Variants in PRKCZ observed in about 807,000 individuals in gnomAD.
PRKCZ encodes the protein protein kinase C zeta type.
In PRKCZ, 33 loss-of-function variants were observed where a neutral mutation model predicts 79.5. The ratio of observed to expected loss-of-function variants is 0.41; its 90% CI spans 0.31 to 0.55. The LOEUF is 0.55. PRKCZ is among the 20% of genes least tolerant of loss of function. The probability of loss-of-function intolerance (pLI) is 0.19; values close to 1 mark genes in which losing one functional copy is unlikely to be tolerated. For synonymous variants in PRKCZ, 342 were observed against 320.9 expected (o/e 1.07, Z -0.70); for missense variants, 578 against 813.5 (o/e 0.71, Z 3.52).
rs926252354 is a variant in PRKCZ, at chr1:2,094,691, C to T, written c.334+35100C>T. ...TGGGCGCTGCCCGTTCTGAGGCGCC[C>T]GCTGTGCCCGGCTCGTTGAACCTTG... On this transcript the variant is annotated intron_variant, in intron 4 of 17. Transcript: ENST00000378567. This position sits in a 1 kb window ranked among gnomAD's most constrained non-coding sequence, Gnocchi z 7.3. Among the ~76,000 whole-genome samples the T allele has an allele frequency of 3.5e-4, 51 of 146,742 alleles. No homozygotes were observed. The highest frequency in any genetic ancestry group is 5.4e-4 in the Non-Finnish European group (36 of 66,496).
intron 5 of PRKCZ, chr1:2,142,532 A>G (rs929679707): frequency 1.0e-5 from 3 of 290,782 alleles, no homozygotes; most frequent in African/African-American, 4.6e-5. Flanking sequence ...TGCCGGCATT[A>G]AGCTAGATTG....
chr1:2,154,502 G>A (rs999766186), intron 9 of PRKCZ, among the ~76,000 whole-genome samples: 14 of 152,128 alleles, frequency 9.2e-5, no homozygotes, highest in Non-Finnish European at 1.8e-4. Context: ...CGAAACTTCC[G>A]GGAGTGGGGG....
chr1:2,053,463 C>A (rs190121775), intron 1 of PRKCZ, among the ~76,000 whole-genome samples: 136 of 152,292 alleles, frequency 8.9e-4, no homozygotes, highest in Non-Finnish European at 1.4e-3. Context: ...GGTGCTGAGG[C>A]CAACAGAGAC....
At chr1:2,184,531 G>C (rs1188044434) in intron 16 of PRKCZ, 52 bp from the exon 17 acceptor site, 2 of 1,390,788 alleles carry the variant, frequency 1.4e-6, no homozygotes, top group Non-Finnish European at 2.0e-6. Context: ...CACTCAATCT[G>C]GTAGGGATGA....
At chr1:2,175,413 C>T (rs1408567366) in intron 16 of PRKCZ, 100 bp downstream of exon 16, 10 of 921,826 alleles carry the variant, frequency 1.1e-5, no homozygotes, top group East Asian at 2.7e-5. Context: ...ACCCAACCCC[C>T]ACCCCACCCC....
chr1:2,180,626 C>T lies in PRKCZ; in HGVS notation c.1576-3957C>T, dbSNP rs140789971. 2.1e-4 allele frequency among the ~76,000 whole-genome samples: 32 copies of T among 152,026 alleles called. No individual in the cohort carries two copies. The East Asian group carries it at 5.2e-3, about 25-fold the overall frequency. On this transcript the variant is annotated intron_variant, in intron 16 of 17. Transcript: ENST00000378567. ...CGCACGGATGACTCAGATCCCCAGA[C>T]GACTCAGATGCACGGACACCCAGAT...
At position 2,177,226 on chromosome 1, in the gene PRKCZ, CCA is replaced by C. The variant is rs550820169; in HGVS notation, c.1575+1923_1575+1924del. ...CTCTGGCCCACAGAACCCCTCCGGT[CCA>C]CACACACACTCAGGTCCAGGTACCA... On this transcript the variant is annotated intron_variant, in intron 16 of 17. Coordinates refer to ENST00000378567, the MANE Select transcript of PRKCZ (RefSeq NM_002744.6). This position sits in a 1 kb window ranked among gnomAD's most constrained non-coding sequence, Gnocchi z 6.4. 6.6e-6 allele frequency among the ~76,000 whole-genome samples: 1 copy of C among 152,084 alleles called. No individual in the cohort carries two copies. The highest frequency in any genetic ancestry group is 1.5e-5 in the Non-Finnish European group (1 of 68,016).
At chr1:2,169,158 A>G (rs1313246648) in intron 10 of PRKCZ, 2 of 460,708 alleles carry the variant, frequency 4.3e-6, no homozygotes, top group Non-Finnish European at 8.7e-6. Context: ...TCCAGCCCCC[A>G]GCAGATCCTG....
chr1:2,169,540 G>T lies in PRKCZ; in HGVS notation c.997G>T (p.Val333Phe). The change falls in exon 11 of 18, where the codon GTC becomes TTC. Residue 333 changes from valine (V) to phenylalanine (F), a missense_variant. Val to Phe is a conservative substitution (Grantham distance 50, BLOSUM62 -1). Coordinates refer to ENST00000378567, the MANE Select transcript of PRKCZ (RefSeq NM_002744.6). Reference protein sequence around the residue: ...TSRLFLVIEYVNGGDLMFHMQ... With the variant: ...TSRLFLVIEYFNGGDLMFHMQ... ...CAGGTTGTTCCTGGTCATTGAGTAC[G>T]TCAACGGCGGGGACCTGATGTTCCA... is the stretch of plus-strand genomic sequence containing the variant. The T allele has an allele frequency of 6.5e-7, 1 of 1,547,324 alleles. No individual in the cohort carries two copies. Among genetic ancestry groups the T allele is most frequent in the African/African-American group, 1.4e-5 (1 of 73,020 alleles).
intron 4 of PRKCZ, among the ~76,000 whole-genome samples, chr1:2,087,080 A>G (rs1443439760): frequency 2.0e-5 from 3 of 151,742 alleles, no homozygotes; most frequent in Non-Finnish European, 4.4e-5. Flanking sequence ...GTATTTCCCC[A>G]TTCTTTTATT....
Position 2,174,602 on chromosome 1 carries a change from C to T in PRKCZ, c.1406-152C>T, listed in dbSNP as rs536653514. On this transcript the variant is annotated intron_variant, in intron 14 of 17. Coordinates refer to ENST00000378567, the MANE Select transcript of PRKCZ (RefSeq NM_002744.6). This position sits in a 1 kb window ranked among gnomAD's most constrained non-coding sequence, Gnocchi z 6.2. The stretch of plus-strand genomic sequence containing the variant: ...GCCCAGGGAGGACCCGGCGGGACTC[C>T]GGGTTATAGATATTGCTGGGCTGTA... 1.8e-5 allele frequency: 13 copies of T among 705,008 alleles called. No individual in the cohort carries two copies. Among genetic ancestry groups the T allele is most frequent in the East Asian group, 2.7e-5 (1 of 37,666 alleles). The allele number at this position is 705,008 out of a possible 1,614,324, so 43.7% of individuals were successfully genotyped here. A position where few individuals can be genotyped will look rare whatever the true frequency, so the allele number is the denominator to read the frequency against.
chr1:2,092,819 G>A (rs372290160), intron 4 of PRKCZ, among the ~76,000 whole-genome samples: 1 of 152,230 alleles, frequency 6.6e-6, no homozygotes, highest in African/African-American at 2.4e-5. Flanking sequence ...GAGGGGCCAG[G>A]TGGACCCCTG....
At chr1:2,076,226 TG>T (rs1183361720) in intron 4 of PRKCZ, among the ~76,000 whole-genome samples, 8 of 152,088 alleles carry the variant, frequency 5.3e-5, no homozygotes, top group Non-Finnish European at 1.0e-4. Flanking sequence ...GGTGCTCGAG[TG>T]TGGGCTCAGC....
intron 4 of PRKCZ, among the ~76,000 whole-genome samples, chr1:2,132,269 G>C (rs1449363143): frequency 1.3e-5 from 2 of 152,216 alleles, no homozygotes; most frequent in East Asian, 3.8e-4. Context: ...TCTTCCGTTG[G>C]ACGCCCACAC....
At chr1:2,092,633 G>A (rs770883822) in intron 4 of PRKCZ, among the ~76,000 whole-genome samples, 3 of 152,254 alleles carry the variant, frequency 2.0e-5, no homozygotes, top group Non-Finnish European at 4.4e-5. Flanking sequence ...GACGTTGTAC[G>A]TGGAAGTGAA....
rs377083684 is a variant in PRKCZ, at chr1:2,175,280, C to T, written c.1542C>T (p.Ser514=). The stretch of plus-strand genomic sequence containing the variant: ...AGACTGGATTTTCTGACATCAAGTC[C>T]CACGCGTTCTTCCGCAGCATAGACT... The part of the protein sequence containing the change: ...RPQTGFSDIK[S]HAFFRSIDWD... Residue 514 remains serine (S), a synonymous_variant, in exon 16 of 18, where the codon TCC becomes TCT. Transcript: ENST00000378567. The T allele has an allele frequency of 6.2e-7, 1 of 1,613,780 alleles. No homozygotes were observed. The highest frequency in any genetic ancestry group is 1.1e-5 in the South Asian group (1 of 91,074).
chr1:2,152,298 T>C (rs2503704), intron 9 of PRKCZ, among the ~76,000 whole-genome samples: 116,909 of 152,046 alleles, frequency 0.77, 46,022 homozygotes, highest in East Asian at 0.95. Context: ...TTTGGGAGGC[T>C]GAGACAGGTG....
intron 4 of PRKCZ, chr1:2,074,037 G>A: frequency 6.9e-7 from 1 of 1,440,246 alleles, no homozygotes; most frequent in Non-Finnish European, 9.1e-7. Flanking sequence ...AGCATTTTGG[G>A]TCTGAGTCCC....
chr1:2,104,102 G>A (rs562750836), intron 4 of PRKCZ, among the ~76,000 whole-genome samples: 1 of 152,162 alleles, frequency 6.6e-6, no homozygotes, highest in African/African-American at 2.4e-5. Flanking sequence ...GTCCAGAAAG[G>A]TCTTGAGCGC....
Sources: gnomAD v4.1 joint callset for allele counts (sites outside exome capture counted in the v4.1 genomes callset) on GRCh38, gnomAD v4.1.1 for gene constraint, Gnocchi (gnomAD v3.1) non-coding constraint, MANE v1.5 for transcripts, NCBI Gene and HGNC (gene_info 2026-07-23, HGNC 2026-07-21) for gene names.